ZNRF2: variants seen among roughly 807,000 people sequenced by gnomAD.
ZNRF2 encodes zinc and ring finger 2.
ZNRF2 carries 16 observed loss-of-function variants against 20.4 expected under a neutral mutation model. The ratio of observed to expected loss-of-function variants is 0.79; its 90% CI spans 0.53 to 1.19. ZNRF2 has a LOEUF of 1.19. Ranked by LOEUF, ZNRF2 falls within the 50% of genes most tolerant of loss-of-function variation. The pLI is 0.00. For missense variants in ZNRF2, 363 were observed against 332.4 expected, an observed-to-expected ratio of 1.09 and a Z score of -0.72; for synonymous variants, 178 against 144.9, an observed-to-expected ratio of 1.23 and a Z score of -1.64.
At chr7:30,348,492 A>G (rs933485431) in intron 2 of ZNRF2, among the ~76,000 whole-genome samples, 1 of 152,244 alleles carries the variant, frequency 6.6e-6, no homozygotes, top group Non-Finnish European at 1.5e-5. Context: ...AGGATTGGCC[A>G]CATCTGACTC....
chr7:30,323,070 A>C (rs1258079076), intron 1 of ZNRF2, among the ~76,000 whole-genome samples: 1 of 152,218 alleles, frequency 6.6e-6, no homozygotes, highest in Non-Finnish European at 1.5e-5. Context: ...TGTTTTCATT[A>C]TGACTTCAGT....
At chr7:30,356,046 T>C (rs911895215) in intron 3 of ZNRF2, among the ~76,000 whole-genome samples, 2 of 152,234 alleles carry the variant, frequency 1.3e-5, no homozygotes, top group African/African-American at 4.8e-5. Context: ...GCATTTGCTA[T>C]GACCCAGCTG....
intron 1 of ZNRF2, among the ~76,000 whole-genome samples, chr7:30,300,735 A>C (rs1799100901): frequency 6.6e-6 from 1 of 152,204 alleles, no homozygotes; most frequent in Admixed American, 6.5e-5. Flanking sequence ...TTTGGGAGAA[A>C]TTTCACTGTC....
At chr7:30,343,513 T>C (rs1199287552) in intron 2 of ZNRF2, among the ~76,000 whole-genome samples, 1 of 152,176 alleles carries the variant, frequency 6.6e-6, no homozygotes, top group Admixed American at 6.5e-5. Flanking sequence ...CCTTTACAAA[T>C]GTTGCTGCTG....
At chr7:30,317,766 C>G (rs1340418409) in intron 1 of ZNRF2, among the ~76,000 whole-genome samples, 3 of 152,180 alleles carry the variant, frequency 2.0e-5, no homozygotes, top group African/African-American at 7.2e-5. Flanking sequence ...GACCTATATT[C>G]TCTTTAAGTG....
intron 1 of ZNRF2, among the ~76,000 whole-genome samples, chr7:30,295,040 AGAGAGAGAGAGT>A (rs1798989765): frequency 8.7e-5 from 10 of 115,088 alleles, no homozygotes; most frequent in East Asian, 2.7e-4. Context: ...AGAGAGAGAG[AGAGAGAGAGAGT>A]GTGTGTGTGT....
At chr7:30,331,649 T>TG (rs1031460407) in intron 2 of ZNRF2, among the ~76,000 whole-genome samples, 23 of 152,106 alleles carry the variant, frequency 1.5e-4, no homozygotes, top group Non-Finnish European at 2.6e-4. Context: ...TGAAGGGAAA[T>TG]GCTGGAGAAC....
chr7:30,337,644 A>G (rs2127951051), intron 2 of ZNRF2, among the ~76,000 whole-genome samples: 1 of 152,268 alleles, frequency 6.6e-6, no homozygotes, highest in Non-Finnish European at 1.5e-5. Flanking sequence ...TTGAAAATAT[A>G]GTCTAAAACC....
intron 2 of ZNRF2, among the ~76,000 whole-genome samples, chr7:30,329,731 T>C (rs978258011): frequency 9.9e-5 from 15 of 152,208 alleles, no homozygotes; most frequent in Non-Finnish European, 1.8e-4. Context: ...GTTGAATCCA[T>C]ATCTTGGTTA....
chr7:30,333,246 G>T (rs534232013), intron 2 of ZNRF2, among the ~76,000 whole-genome samples: 1 of 151,962 alleles, frequency 6.6e-6, no homozygotes, highest in Non-Finnish European at 1.5e-5. Flanking sequence ...TAGAGATGGA[G>T]TTTCGCCATG....
intron 1 of ZNRF2, among the ~76,000 whole-genome samples, chr7:30,315,832 A>G (rs1799365161): frequency 6.6e-6 from 1 of 151,846 alleles, no homozygotes; most frequent in African/African-American, 2.4e-5. Context: ...AACATAAAAA[A>G]CTGCTTTGGA....
intron 1 of ZNRF2, chr7:30,289,865 C>T (rs752029293): frequency 9.4e-6 from 5 of 534,348 alleles, no homozygotes; most frequent in Admixed American, 1.9e-5. Context: ...GTCTTACTCC[C>T]TCAGGCACAT....
intron 2 of ZNRF2, among the ~76,000 whole-genome samples, chr7:30,335,974 A>G (rs576621545): frequency 6.6e-6 from 1 of 152,304 alleles, no homozygotes; most frequent in East Asian, 1.9e-4. Flanking sequence ...GAAGGTTAGC[A>G]GTGGAGTGAC....
intron 2 of ZNRF2, among the ~76,000 whole-genome samples, chr7:30,333,274 G>A (rs920402600): frequency 1.3e-5 from 2 of 151,486 alleles, no homozygotes; most frequent in Non-Finnish European, 1.5e-5. Context: ...GGCTGGTCTC[G>A]AACTCCTGAC....
At chr7:30,331,203 C>T (rs539409913) in intron 2 of ZNRF2, among the ~76,000 whole-genome samples, 9 of 152,158 alleles carry the variant, frequency 5.9e-5, no homozygotes, top group African/African-American at 1.4e-4. Flanking sequence ...TCTCTATTAA[C>T]GGTGAACTTG....
intron 2 of ZNRF2, among the ~76,000 whole-genome samples, chr7:30,331,342 A>G (rs1176470715): frequency 6.6e-6 from 1 of 152,216 alleles, no homozygotes; most frequent in East Asian, 1.9e-4. Context: ...GAAATATGGG[A>G]AAAAATAAGA....
chr7:30,308,757 T>C (rs973567517), intron 1 of ZNRF2, among the ~76,000 whole-genome samples: 1 of 152,214 alleles, frequency 6.6e-6, no homozygotes, highest in African/African-American at 2.4e-5. Flanking sequence ...ATTGTCAATA[T>C]TTTATTTTTT....
chr7:30,350,413 T>G lies in ZNRF2; in HGVS notation c.566-5315T>G, dbSNP rs146187931. On this transcript the variant is annotated intron_variant, in intron 2 of 4. Coordinates refer to ENST00000323037, the MANE Select transcript of ZNRF2 (RefSeq NM_147128.4). Reference sequence around the variant, plus strand: ...TTTAACGATCAATTCTTAGTTACATTTAAACTAGAGAGGCATTGAAAAAGT... The same window carrying G: ...TTTAACGATCAATTCTTAGTTACATGTAAACTAGAGAGGCATTGAAAAAGT... Among the ~76,000 whole-genome samples, 321 of 152,148 alleles carry G rather than the reference T, an allele frequency of 2.1e-3. 2 individuals carry two copies. The highest frequency in any genetic ancestry group is 7.2e-3 in the African/African-American group (301 of 41,552).
At chr7:30,293,096 G>C (rs1798940632) in intron 1 of ZNRF2, among the ~76,000 whole-genome samples, 1 of 151,478 alleles carries the variant, frequency 6.6e-6, no homozygotes, top group Non-Finnish European at 1.5e-5. Flanking sequence ...GTGTTTTGAA[G>C]ATAGAGCCAC....
Sources: allele counts gnomAD v4.1 joint callset (sites outside exome capture counted in the v4.1 genomes callset), GRCh38; gene constraint gnomAD v4.1.1; transcripts MANE v1.5; gene names NCBI Gene and HGNC (gene_info 2026-07-23, HGNC 2026-07-21).